The following CACNG7 variants were observed in gnomAD, a reference collection of about 807,000 sequenced individuals.
CACNG7 encodes voltage-dependent calcium channel gamma-7 subunit.
In CACNG7, 9 loss-of-function variants were observed where a neutral mutation model predicts 26.3. That is an observed-to-expected ratio of 0.34 (90% CI 0.21 to 0.60). The LOEUF (loss-of-function observed/expected upper bound fraction) is 0.60, where lower values mean the gene tolerates loss of function less well. CACNG7 is among the 20% of genes least tolerant of loss of function. The pLI is 0.81. For synonymous variants in CACNG7, 170 were observed against 157.0 expected, an observed-to-expected ratio of 1.08 and a Z score of -0.62; for missense variants, 297 against 380.4, an observed-to-expected ratio of 0.78 and a Z score of 1.82.
chr19:53,930,993 C>T (rs1476205334), intron 4 of CACNG7, among the ~76,000 whole-genome samples: 9 of 151,190 alleles, frequency 6.0e-5, no homozygotes, highest in Non-Finnish European at 1.2e-4. Flanking sequence ...CTCAGGAGTT[C>T]AAAACCAGCC....
At chr19:53,921,242 G>A (rs1174187454) in intron 4 of CACNG7, among the ~76,000 whole-genome samples, 2 of 128,226 alleles carry the variant, frequency 1.6e-5, no homozygotes, top group Non-Finnish European at 3.2e-5. Context: ...CCCAGGTCTG[G>A]TCATTGGTGG....
chr19:53,921,403 G>C (rs2068950118), intron 4 of CACNG7, among the ~76,000 whole-genome samples: 2 of 148,616 alleles, frequency 1.3e-5, no homozygotes, highest in Non-Finnish European at 3.0e-5. Context: ...CCCCAGGTCT[G>C]GTCATTGGTG....
At chr19:53,928,484 A>C (rs1215662694) in intron 4 of CACNG7, among the ~76,000 whole-genome samples, 2 of 151,956 alleles carry the variant, frequency 1.3e-5, no homozygotes, top group East Asian at 3.9e-4. Context: ...CATGTTGGCC[A>C]GGCTGGTCTC....
At chr19:53,930,325 C>T (rs2069063203) in intron 4 of CACNG7, among the ~76,000 whole-genome samples, 1 of 151,994 alleles carries the variant, frequency 6.6e-6, no homozygotes, top group Non-Finnish European at 1.5e-5. Context: ...TCTTCTGCCT[C>T]AGCCTCCCGA....
At chr19:53,922,202 C>T (rs1309829922) in intron 4 of CACNG7, among the ~76,000 whole-genome samples, 1 of 120,908 alleles carries the variant, frequency 8.3e-6, no homozygotes, top group Non-Finnish European at 1.7e-5. Context: ...GTGGAGTTGC[C>T]CCAGGTCTGG....
chr19:53,924,642 CATTGGTGGAGTTGTCCGAGGTCTGGT>C (rs2069007241), intron 4 of CACNG7, among the ~76,000 whole-genome samples: 1 of 81,448 alleles, frequency 1.2e-5, no homozygotes, highest in Non-Finnish European at 2.3e-5. Flanking sequence ...CCAGGCTGGT[CATTGGTGGAGTTGTCCGAGGTCTGGT>C]ATTGGTGGAG....
intron 4 of CACNG7, among the ~76,000 whole-genome samples, chr19:53,932,771 C>A (rs1300696065): frequency 6.6e-6 from 1 of 150,920 alleles, no homozygotes; most frequent in Non-Finnish European, 1.5e-5. Flanking sequence ...TTGCAGTTTT[C>A]CAATGGAATC....
chr19:53,917,278 C>T (rs1035563963), intron 4 of CACNG7, among the ~76,000 whole-genome samples: 3 of 152,162 alleles, frequency 2.0e-5, no homozygotes, highest in African/African-American at 7.2e-5. Flanking sequence ...CAAATGAATT[C>T]AACATAATTT....
At chr19:53,923,731 G>C (rs1357623697) in intron 4 of CACNG7, among the ~76,000 whole-genome samples, 12 of 127,728 alleles carry the variant, frequency 9.4e-5, no homozygotes, top group Admixed American at 5.1e-4. Context: ...GTCATTGGTG[G>C]AGTTGCCCCA....
chr19:53,912,085 G>C lies in CACNG7; in HGVS notation c.-29-718G>C, dbSNP rs562404226. On this transcript the variant is annotated intron_variant, in intron 1 of 5. Coordinates refer to ENST00000391767, the MANE Select transcript of CACNG7 (RefSeq NM_031896.5). This position sits in a 1 kb window ranked among gnomAD's most constrained non-coding sequence, Gnocchi z 4.6. ...CAGATTAGGGCATGGAGTTAAGACT[G>C]GGTAGCCTGGGTTAGAGTTTCTGGC... is the stretch of plus-strand genomic sequence containing the variant. 6.6e-6 allele frequency among the ~76,000 whole-genome samples: 1 copy of C among 152,296 alleles called. No homozygotes were observed. Among genetic ancestry groups the C allele is most frequent in the East Asian group, 1.9e-4 (1 of 5,190 alleles).
chr19:53,943,419 C>T lies in CACNG7; in HGVS notation c.*1126C>T, dbSNP rs995470111. The T allele has an allele frequency of 5.3e-5, 8 of 151,228 alleles. No individual in the cohort carries two copies. The highest frequency in any genetic ancestry group is 1.7e-4 in the African/African-American group (7 of 41,060). The allele number at this position is 151,228 out of a possible 1,614,324, so 9.4% of individuals were successfully genotyped here. ...AGGTCACCAGGAACTCGCCCACCCCCCCTTATTAGGGAAAGAGGGGCGAGG... is the reference window on the plus strand; with the variant it reads ...AGGTCACCAGGAACTCGCCCACCCCTCCTTATTAGGGAAAGAGGGGCGAGG... On this transcript the variant is annotated 3_prime_UTR_variant, in exon 6 of 6. Coordinates refer to ENST00000391767, the MANE Select transcript of CACNG7 (RefSeq NM_031896.5).
intron 4 of CACNG7, among the ~76,000 whole-genome samples, chr19:53,918,670 G>A (rs28462357): frequency 0.12 from 18,176 of 152,204 alleles, 2,715 homozygotes; most frequent in African/African-American, 0.36. Flanking sequence ...ATGTAGTAAT[G>A]ATAGTAGTAC....
intron 1 of CACNG7, among the ~76,000 whole-genome samples, chr19:53,911,752 G>T (rs923698306): frequency 2.0e-5 from 3 of 152,172 alleles, no homozygotes; most frequent in African/African-American, 7.2e-5. Flanking sequence ...CCCCTGAGCC[G>T]CCAGGCGGAG....
At chr19:53,919,155 C>A (rs2068918094) in intron 4 of CACNG7, among the ~76,000 whole-genome samples, 1 of 152,152 alleles carries the variant, frequency 6.6e-6, no homozygotes, top group South Asian at 2.1e-4. Flanking sequence ...CATTATGCTG[C>A]CCCACCAAGA....
intron 4 of CACNG7, among the ~76,000 whole-genome samples, chr19:53,929,002 A>C (rs1381513232): frequency 6.6e-6 from 1 of 150,916 alleles, no homozygotes; most frequent in Non-Finnish European, 1.5e-5. Context: ...TCAGCTACTC[A>C]GGAGGCTGAG....
chr19:53,939,761 CAT>C lies in CACNG7; in HGVS notation c.425-1706_425-1705del, dbSNP rs144108232. On this transcript the variant is annotated intron_variant, in intron 4 of 5. Coordinates refer to ENST00000391767, the MANE Select transcript of CACNG7 (RefSeq NM_031896.5). This position sits in a 1 kb window ranked among gnomAD's most constrained non-coding sequence, Gnocchi z 4.2. ...ATCCGTGTATGCGTTTTTGTATGAACATATGTTTCCACTTCTCTTGGGGACAT... is the reference window on the plus strand; with the variant it reads ...ATCCGTGTATGCGTTTTTGTATGAACATGTTTCCACTTCTCTTGGGGACAT... Among the ~76,000 whole-genome samples the C allele has an allele frequency of 3.8e-4, 58 of 152,252 alleles. 1 individual carries two copies. In the East Asian group the frequency reaches 9.3e-3, roughly 24 times the overall value.
At chr19:53,925,570 A>G (rs1217636181) in intron 4 of CACNG7, among the ~76,000 whole-genome samples, 1 of 150,048 alleles carries the variant, frequency 6.7e-6, no homozygotes, top group Non-Finnish European at 1.5e-5. Context: ...AGGTCTGGTC[A>G]TTGGTGGACT....
chr19:53,941,925 T>G, intron 5 of CACNG7, 111 bp from the exon 6 acceptor site: 3 of 1,342,382 alleles, frequency 2.2e-6, no homozygotes, highest in South Asian at 3.1e-5. Context: ...GGTCCTGGGA[T>G]AGGAAGGGGC....
chr19:53,921,822 G>GT lies in CACNG7; in HGVS notation c.424+6317_424+6318insT, dbSNP rs1446006205. Among the ~76,000 whole-genome samples the GT allele has an allele frequency of 2.0e-3, 154 of 77,110 alleles. 12 individuals carry two copies. Among genetic ancestry groups the GT allele is most frequent in the African/African-American group, 0.012 (121 of 10,296 alleles). The allele number at this position is 77,110 out of a possible 152,430, so 50.6% of individuals were successfully genotyped here. On this transcript the variant is annotated intron_variant, in intron 4 of 5. Coordinates refer to ENST00000391767, the MANE Select transcript of CACNG7 (RefSeq NM_031896.5). ...CCCAGGTCTGGTCATTGGTGGAGTT[G>GT]CCCCAGGTCTGGTCATTGGTGGAGT... is the stretch of plus-strand genomic sequence containing the variant.
Sources: gnomAD v4.1 joint callset for allele counts (sites outside exome capture counted in the v4.1 genomes callset) on GRCh38, gnomAD v4.1.1 for gene constraint, Gnocchi (gnomAD v3.1) non-coding constraint, MANE v1.5 for transcripts, NCBI Gene and HGNC (gene_info 2026-07-23, HGNC 2026-07-21) for gene names.